The following CHCHD3 variants were observed in gnomAD, a reference collection of about 807,000 sequenced individuals.
CHCHD3 encodes the protein MICOS complex subunit MIC19.
A neutral mutation model predicts 38.2 loss-of-function variants in CHCHD3; 20 were observed. The ratio of observed to expected loss-of-function variants is 0.52; its 90% CI spans 0.37 to 0.76. The LOEUF is 0.76. Ranked by LOEUF, CHCHD3 falls within the 30% of genes least tolerant of loss-of-function variation. The pLI is 0.00. For synonymous variants in CHCHD3, 82 were observed against 100.0 expected, an observed-to-expected ratio of 0.82 and a Z score of 1.07; for missense variants, 245 against 279.2, an observed-to-expected ratio of 0.88 and a Z score of 0.87.
intron 5 of CHCHD3, among the ~76,000 whole-genome samples, chr7:132,854,411 G>A (rs1292393077): frequency 6.6e-6 from 1 of 152,118 alleles, no homozygotes; most frequent in African/African-American, 2.4e-5. Context: ...AGCCCTTGGT[G>A]AACAGATATA....
At chr7:132,987,843 A>T (rs1409456279) in intron 3 of CHCHD3, among the ~76,000 whole-genome samples, 1 of 152,162 alleles carries the variant, frequency 6.6e-6, no homozygotes, top group Non-Finnish European at 1.5e-5. Flanking sequence ...TGCCTCTACC[A>T]CCAGAGACAG....
chr7:132,821,264 A>G (rs1411111812), intron 6 of CHCHD3, among the ~76,000 whole-genome samples: 2 of 152,216 alleles, frequency 1.3e-5, no homozygotes, highest in Non-Finnish European at 2.9e-5. Flanking sequence ...AAAAACATAA[A>G]TGGACCTCAT....
chr7:132,971,777 A>G (rs1811618887), intron 4 of CHCHD3, among the ~76,000 whole-genome samples: 1 of 152,218 alleles, frequency 6.6e-6, no homozygotes, highest in Non-Finnish European at 1.5e-5. Context: ...AGACTGCAAC[A>G]TTTGAGTTCT....
At chr7:132,898,555 C>T (rs1809570600) in intron 4 of CHCHD3, among the ~76,000 whole-genome samples, 3 of 152,228 alleles carry the variant, frequency 2.0e-5, no homozygotes, top group Non-Finnish European at 2.9e-5. Context: ...CAGTGGATCC[C>T]GCACCCAGGC....
chr7:132,945,809 T>A (rs1810886185), intron 4 of CHCHD3, among the ~76,000 whole-genome samples: 1 of 151,920 alleles, frequency 6.6e-6, no homozygotes, highest in African/African-American at 2.4e-5. Flanking sequence ...CAATTAAATT[T>A]GAAAAGAAAA....
At chr7:133,007,826 T>G (rs908685479) in intron 3 of CHCHD3, among the ~76,000 whole-genome samples, 1 of 152,228 alleles carries the variant, frequency 6.6e-6, no homozygotes, top group African/African-American at 2.4e-5. Context: ...CATCTGATAT[T>G]ATATGTCCCA....
intron 2 of CHCHD3, among the ~76,000 whole-genome samples, chr7:133,031,375 C>T (rs1813498552): frequency 6.6e-6 from 1 of 152,162 alleles, no homozygotes; most frequent in East Asian, 1.9e-4. Context: ...ATGAACTCAT[C>T]AACCATGAAA....
intron 6 of CHCHD3, among the ~76,000 whole-genome samples, chr7:132,812,273 A>G (rs1807093013): frequency 7.5e-6 from 1 of 132,978 alleles, no homozygotes; most frequent in Non-Finnish European, 1.5e-5. Context: ...CAGTGGTGCA[A>G]TCTCACCTCA....
chr7:133,002,419 A>G (rs1352670984), intron 3 of CHCHD3, among the ~76,000 whole-genome samples: 1 of 152,116 alleles, frequency 6.6e-6, no homozygotes, highest in Non-Finnish European at 1.5e-5. Context: ...TCCAAAAGAC[A>G]TTAACTTTTG....
At chr7:133,043,861 T>A (rs1234087325) in intron 2 of CHCHD3, among the ~76,000 whole-genome samples, 1 of 152,184 alleles carries the variant, frequency 6.6e-6, no homozygotes, top group Non-Finnish European at 1.5e-5. Context: ...TTTCTAAGAT[T>A]AAGTAGCAAA....
chr7:133,049,155 T>C (rs1362784836), intron 2 of CHCHD3, among the ~76,000 whole-genome samples: 1 of 152,174 alleles, frequency 6.6e-6, no homozygotes, highest in Non-Finnish European at 1.5e-5. Context: ...CACACAAATA[T>C]TTTCTTCTGA....
At chr7:133,034,856 A>T in intron 2 of CHCHD3, 2 of 1,610,282 alleles carry the variant, frequency 1.2e-6, no homozygotes, top group Non-Finnish European at 1.7e-6. Context: ...TGGCGAAGGC[A>T]TTCTTCCTCA....
chr7:132,944,086 T>C (rs1021966944), intron 4 of CHCHD3, among the ~76,000 whole-genome samples: 1 of 152,060 alleles, frequency 6.6e-6, no homozygotes, highest in African/African-American at 2.4e-5. Context: ...AACAGCAAAT[T>C]TGCTTTTAGA....
intron 3 of CHCHD3, among the ~76,000 whole-genome samples, chr7:132,990,605 A>C (rs1369156673): frequency 6.6e-6 from 1 of 152,182 alleles, no homozygotes; most frequent in Non-Finnish European, 1.5e-5. Context: ...CTATGAAATA[A>C]CATGAGAATC....
chr7:133,016,025 T>C (rs936196074), intron 3 of CHCHD3, among the ~76,000 whole-genome samples: 3 of 152,156 alleles, frequency 2.0e-5, no homozygotes, highest in Admixed American at 2.0e-4. Context: ...CTTAGGAGGA[T>C]GGTGCTAAAC....
chr7:133,081,189 C>G (rs1347648855), intron 1 of CHCHD3, among the ~76,000 whole-genome samples: 6 of 152,246 alleles, frequency 3.9e-5, no homozygotes, highest in Non-Finnish European at 8.8e-5. Flanking sequence ...CAGCCCCTAT[C>G]AGACTGGCAG....
chr7:132,887,034 G>A, intron 4 of CHCHD3: 2 of 1,098,208 alleles, frequency 1.8e-6, no homozygotes, highest in Non-Finnish European at 2.3e-6. Context: ...AACAACATAA[G>A]TACTGTTTTT....
At chr7:132,821,794 C>A (rs577343473) in intron 6 of CHCHD3, among the ~76,000 whole-genome samples, 2 of 121,154 alleles carry the variant, frequency 1.7e-5, no homozygotes, top group African/African-American at 6.7e-5. Context: ...CTCGCTCTGT[C>A]GTCCAGGCCG....
chr7:133,018,909 G>A (rs1257653478), intron 3 of CHCHD3, among the ~76,000 whole-genome samples: 3 of 126,072 alleles, frequency 2.4e-5, no homozygotes, highest in African/African-American at 9.0e-5. Flanking sequence ...TTGAGACGGA[G>A]TTTCGCTCTT....
Sources: gnomAD v4.1 joint callset for allele counts (sites outside exome capture counted in the v4.1 genomes callset) on GRCh38, gnomAD v4.1.1 for gene constraint, MANE v1.5 for transcripts, NCBI Gene and HGNC (gene_info 2026-07-23, HGNC 2026-07-21) for gene names.